Variants in RBFOX1 observed in about 807,000 individuals in gnomAD.
The protein encoded by RBFOX1 is RNA binding protein fox-1 homolog 1.
In RBFOX1, 8 loss-of-function variants were observed where a neutral mutation model predicts 57.7. The ratio of observed to expected loss-of-function variants is 0.14; its 90% CI spans 0.08 to 0.25. RBFOX1 has a LOEUF of 0.25. Ranked by LOEUF, RBFOX1 falls within the 10% of genes least tolerant of loss-of-function variation. RBFOX1 has a pLI of 1.00. For missense variants in RBFOX1, 611 were observed against 548.5 expected (o/e 1.11, Z -1.14); for synonymous variants, 326 against 222.4 (o/e 1.47, Z -4.15).
At chr16:7,413,541 T>A (rs1157924743) in intron 4 of RBFOX1, among the ~76,000 whole-genome samples, 1 of 151,990 alleles carries the variant, frequency 6.6e-6, no homozygotes, top group African/African-American at 2.4e-5. Context: ...TCTGTCTCCT[T>A]GTAAGGCTGC....
chr16:5,644,524 C>T (rs1344320142), intron 3 of RBFOX1, among the ~76,000 whole-genome samples: 3 of 152,200 alleles, frequency 2.0e-5, no homozygotes, highest in South Asian at 2.1e-4. Context: ...CATGTGGCTC[C>T]CTCTGACATG....
In RBFOX1 at chr16:7,630,551, G is replaced by A. The variant is rs182429237; in HGVS notation, c.677-52G>A. On this transcript the variant is annotated intron_variant, in intron 10 of 15. Coordinates refer to ENST00000550418, the MANE Select transcript of RBFOX1 (RefSeq NM_018723.4). ...CGGTTGCATTGCCGTGATCTCTCAG[G>A]TGTAGTGTACCGATTCCCAAACCAG... 2.7e-4 allele frequency: 434 copies of A among 1,609,748 alleles called. 1 individual carries two copies. In the African/African-American group the frequency reaches 5.1e-3, roughly 19 times the overall value.
intron 3 of RBFOX1, among the ~76,000 whole-genome samples, chr16:6,788,262 A>G (rs531125592): frequency 4.6e-5 from 7 of 152,182 alleles, no homozygotes; most frequent in Non-Finnish European, 8.8e-5. Flanking sequence ...GGTCTGCTGC[A>G]TCATACCTGT....
intron 3 of RBFOX1, among the ~76,000 whole-genome samples, chr16:6,935,355 C>T (rs1455159761): frequency 6.6e-5 from 10 of 152,124 alleles, no homozygotes. Context: ...CATCTCCCTC[C>T]CCATGAATAG....
At chr16:5,461,104 C>G (rs1478499950) in intron 1 of RBFOX1, among the ~76,000 whole-genome samples, 3 of 152,152 alleles carry the variant, frequency 2.0e-5, no homozygotes, top group Non-Finnish European at 4.4e-5. Context: ...GGTGTGCCTT[C>G]TATGAGATTG....
chr16:6,940,629 A>G (rs1024848113), intron 3 of RBFOX1, among the ~76,000 whole-genome samples: 1 of 151,912 alleles, frequency 6.6e-6, no homozygotes, highest in Non-Finnish European at 1.5e-5. Context: ...GCGGAGTCTT[A>G]CTCTGTCACC....
chr16:6,835,099 G>A (rs957819356), intron 3 of RBFOX1, among the ~76,000 whole-genome samples: 7 of 151,920 alleles, frequency 4.6e-5, no homozygotes, highest in Non-Finnish European at 8.8e-5. Context: ...TAGCCAGGAT[G>A]TTAGTGTTAG....
At chr16:7,597,752 G>A (rs371037326) in intron 9 of RBFOX1, among the ~76,000 whole-genome samples, 1 of 152,200 alleles carries the variant, frequency 6.6e-6, no homozygotes, top group Non-Finnish European at 1.5e-5. Context: ...AGAATTGGAG[G>A]TTTAGTTTGT....
chr16:6,058,665 T>TCCAC (rs1347568175), intron 1 of RBFOX1, among the ~76,000 whole-genome samples: 2 of 136,522 alleles, frequency 1.5e-5, no homozygotes, highest in Non-Finnish European at 3.2e-5. Context: ...CATCCATCCA[T>TCCAC]CCACCCACCA....
chr16:7,045,598 C>G (rs544476150), intron 3 of RBFOX1, among the ~76,000 whole-genome samples: 10 of 152,106 alleles, frequency 6.6e-5, no homozygotes, highest in Admixed American at 6.6e-4. Context: ...GTGAGTCTGG[C>G]AAATCCTTGT....
At chr16:5,670,252 T>G (rs993859685) in intron 3 of RBFOX1, among the ~76,000 whole-genome samples, 11 of 152,202 alleles carry the variant, frequency 7.2e-5, no homozygotes, top group Admixed American at 1.3e-4. Context: ...TGGACTCAGA[T>G]AGCGATGATG....
chr16:7,345,870 C>T (rs1257018202), intron 4 of RBFOX1, among the ~76,000 whole-genome samples: 3 of 151,996 alleles, frequency 2.0e-5, no homozygotes, highest in African/African-American at 4.8e-5. Context: ...GGTACATGTG[C>T]ACAACGTGCA....
intron 14 of RBFOX1, among the ~76,000 whole-genome samples, chr16:7,701,505 G>GT (rs1248320601): frequency 1.3e-5 from 2 of 152,008 alleles, no homozygotes; most frequent in South Asian, 4.1e-4. Flanking sequence ...AAGTGGAACA[G>GT]TTTTTTTTCC....
intron 3 of RBFOX1, among the ~76,000 whole-genome samples, chr16:6,963,669 G>T (rs1162015848): frequency 1.3e-5 from 2 of 152,034 alleles, no homozygotes; most frequent in Non-Finnish European, 2.9e-5. Context: ...GGATGAAGAG[G>T]CAGAGCATAG....
Position 7,352,077 on chromosome 16 carries a change from G to A in RBFOX1, c.28-166070G>A, listed in dbSNP as rs2097139199. 2.6e-5 allele frequency among the ~76,000 whole-genome samples: 4 copies of A among 152,162 alleles called. No individual in the cohort carries two copies. The South Asian group carries it at 8.3e-4, about 31-fold the overall frequency. Reference sequence around the variant, plus strand: ...TAATATGTCACGCTGTAGGCATATGGTCTTGCAATTGCGGGGTGTATCATT... The same window carrying A: ...TAATATGTCACGCTGTAGGCATATGATCTTGCAATTGCGGGGTGTATCATT... On this transcript the variant is annotated intron_variant, in intron 4 of 15. Transcript: ENST00000550418.
At chr16:5,695,246 A>G (rs2050811643) in intron 3 of RBFOX1, among the ~76,000 whole-genome samples, 1 of 152,158 alleles carries the variant, frequency 6.6e-6, no homozygotes. Flanking sequence ...CAAACATTCA[A>G]AAGTGGAGTG....
At chr16:7,510,860 G>C (rs369049368) in intron 4 of RBFOX1, among the ~76,000 whole-genome samples, 8 of 152,238 alleles carry the variant, frequency 5.3e-5, no homozygotes, top group African/African-American at 9.6e-5. Flanking sequence ...GGGCTGTGTG[G>C]GCATATGTGA....
chr16:7,698,592 C>A (rs560403738), intron 14 of RBFOX1, among the ~76,000 whole-genome samples: 21 of 152,038 alleles, frequency 1.4e-4, no homozygotes, highest in African/African-American at 5.1e-4. Flanking sequence ...AAGAAGTTTC[C>A]CAATTGGCCA....
At chr16:7,470,520 G>A (rs985502061) in intron 4 of RBFOX1, among the ~76,000 whole-genome samples, 2 of 151,878 alleles carry the variant, frequency 1.3e-5, no homozygotes, top group African/African-American at 2.4e-5. Flanking sequence ...TGGATGGAGG[G>A]ATGGTTGGGT....
Sources: gnomAD v4.1 joint callset for allele counts (sites outside exome capture counted in the v4.1 genomes callset) on GRCh38, gnomAD v4.1.1 for gene constraint, MANE v1.5 for transcripts, NCBI Gene and HGNC (gene_info 2026-07-23, HGNC 2026-07-21) for gene names.